The following SYN3 variants were observed in gnomAD, a reference collection of about 807,000 sequenced individuals.
SYN3 encodes synapsin-3.
Under a neutral mutation model 65.8 loss-of-function variants are expected in SYN3, and 35 were observed. The observed-to-expected ratio is 0.53, with a 90% CI of 0.41 to 0.70. The LOEUF (loss-of-function observed/expected upper bound fraction) is 0.70. Ranked by LOEUF, SYN3 falls within the 30% of genes least tolerant of loss-of-function variation. SYN3 has a pLI of 0.00. For synonymous variants in SYN3, 270 were observed against 292.9 expected (o/e 0.92, Z 0.80); for missense variants, 680 against 749.0 (o/e 0.91, Z 1.08).
chr22:32,782,666 C>T (rs966090818), intron 6 of SYN3, among the ~76,000 whole-genome samples: 2 of 152,054 alleles, frequency 1.3e-5, no homozygotes, highest in African/African-American at 4.8e-5. Flanking sequence ...CACAGGCGCA[C>T]ACCACCACAG....
Position 32,948,506 on chromosome 22 carries a change from G to A in SYN3, c.370-17025C>T, listed in dbSNP as rs2051182738. Among the ~76,000 whole-genome samples, 4 of 152,244 alleles carry A rather than the reference G, an allele frequency of 2.6e-5. No individual in the cohort carries two copies. In the South Asian group the frequency reaches 8.3e-4, roughly 32 times the overall value. ...AATCACAGCACTTTGGGAGGCCGAGGCGGGCAGATCACAAGGTCAGGAGAT... is the reference window on the plus strand; with the variant it reads ...AATCACAGCACTTTGGGAGGCCGAGACGGGCAGATCACAAGGTCAGGAGAT... On this transcript the variant is annotated intron_variant, in intron 3 of 13. Transcript: ENST00000358763.
intron 6 of SYN3, among the ~76,000 whole-genome samples, chr22:32,667,918 C>T (rs746538708): frequency 1.3e-5 from 2 of 151,966 alleles, no homozygotes; most frequent in East Asian, 3.9e-4. Flanking sequence ...CTCAGCCTCC[C>T]GAGTAGCTGG....
intron 1 of SYN3, among the ~76,000 whole-genome samples, chr22:33,052,639 C>G (rs1250711398): frequency 6.6e-6 from 1 of 151,844 alleles, no homozygotes; most frequent in Non-Finnish European, 1.5e-5. Flanking sequence ...AATTATTAAC[C>G]CTTGTGCTCC....
chr22:32,698,742 G>T (rs2060771860), intron 6 of SYN3, among the ~76,000 whole-genome samples: 1 of 152,194 alleles, frequency 6.6e-6, no homozygotes, highest in African/African-American at 2.4e-5. Context: ...GTTATTGAAA[G>T]AATTTTAGAG....
At chr22:32,551,065 G>A (rs2058406909) in intron 7 of SYN3, among the ~76,000 whole-genome samples, 1 of 152,166 alleles carries the variant, frequency 6.6e-6, no homozygotes, top group African/African-American at 2.4e-5. Flanking sequence ...AAATAAATGG[G>A]TAAATAACAG....
intron 6 of SYN3, among the ~76,000 whole-genome samples, chr22:32,650,815 T>C (rs966753869): frequency 4.6e-5 from 7 of 152,334 alleles, no homozygotes; most frequent in Admixed American, 1.3e-4. Flanking sequence ...AGATAATGCA[T>C]GCCAAGCACT....
chr22:32,899,698 T>C (rs1011297422), intron 4 of SYN3, among the ~76,000 whole-genome samples: 1 of 152,264 alleles, frequency 6.6e-6, no homozygotes, highest in Admixed American at 6.5e-5. Context: ...GTTCTTGTCC[T>C]GGCCCTGAAA....
intron 6 of SYN3, among the ~76,000 whole-genome samples, chr22:32,712,878 T>C (rs1380571151): frequency 6.6e-6 from 1 of 152,124 alleles, no homozygotes; most frequent in Non-Finnish European, 1.5e-5. Flanking sequence ...TTCTGTGACC[T>C]TCATACCAAA....
chr22:32,805,210 T>C (rs1307225761), intron 6 of SYN3, among the ~76,000 whole-genome samples: 1 of 152,134 alleles, frequency 6.6e-6, no homozygotes, highest in African/African-American at 2.4e-5. Flanking sequence ...CCTCTGAGCC[T>C]GTTGGGAATT....
At chr22:32,989,283 T>C (rs1601851013) in intron 2 of SYN3, among the ~76,000 whole-genome samples, 1 of 152,298 alleles carries the variant, frequency 6.6e-6, no homozygotes, top group Admixed American at 6.5e-5. Context: ...CCATGAATGA[T>C]ACCCCTGACA....
At chr22:32,705,740 T>C (rs1265502277) in intron 6 of SYN3, among the ~76,000 whole-genome samples, 1 of 152,200 alleles carries the variant, frequency 6.6e-6, no homozygotes, top group Admixed American at 6.5e-5. Context: ...TTGAGCAGTG[T>C]CTTGTAGTTC....
At chr22:32,676,432 A>G (rs930935030) in intron 6 of SYN3, among the ~76,000 whole-genome samples, 1 of 151,616 alleles carries the variant, frequency 6.6e-6, no homozygotes, top group Admixed American at 6.6e-5. Context: ...AGGTGTGTGG[A>G]CAGGGCCCTG....
intron 3 of SYN3, among the ~76,000 whole-genome samples, chr22:32,961,796 C>T (rs909105407): frequency 2.0e-5 from 3 of 152,236 alleles, no homozygotes; most frequent in Non-Finnish European, 4.4e-5. Context: ...AATGAGTCAA[C>T]TTACATCCAA....
chr22:32,903,622 G>A (rs2049824303), intron 4 of SYN3, among the ~76,000 whole-genome samples: 1 of 152,190 alleles, frequency 6.6e-6, no homozygotes, highest in African/African-American at 2.4e-5. Flanking sequence ...CCCTCACAGA[G>A]CTCATGGTTA....
chr22:32,741,394 C>T (rs1018880645), intron 6 of SYN3, among the ~76,000 whole-genome samples: 14 of 144,810 alleles, frequency 9.7e-5, no homozygotes, highest in African/African-American at 2.3e-4. Context: ...CTTGCTCTGC[C>T]GCCCAGTCTG....
rs1372736629 is a variant in SYN3 at position 32,511,381 on chromosome 22, C to A, written c.*2311G>T. Among the ~76,000 whole-genome samples, 1 of 152,218 alleles carries A rather than the reference C, an allele frequency of 6.6e-6. No homozygotes were observed. Among genetic ancestry groups the A allele is most frequent in the Non-Finnish European group, 1.5e-5 (1 of 68,042 alleles). ...CTAGAAGAATGTGTCGACAATGATG[C>A]CTGCAAAGCAGCAGCTTCATGTGTC... On this transcript the variant is annotated 3_prime_UTR_variant, in exon 14 of 14. Transcript: ENST00000358763.
chr22:32,824,938 C>T lies in SYN3; in HGVS notation c.711+39977G>A, dbSNP rs550013164. On this transcript the variant is annotated intron_variant, in intron 6 of 13. Coordinates refer to ENST00000358763, the MANE Select transcript of SYN3 (RefSeq NM_003490.4). Reference sequence around the variant, plus strand: ...CAGAAAGGGACCTTGTTTGGGGAGGCGGCTTTGAGCAGTGACTTTATGACA... The same window carrying T: ...CAGAAAGGGACCTTGTTTGGGGAGGTGGCTTTGAGCAGTGACTTTATGACA... Among the ~76,000 whole-genome samples the T allele has an allele frequency of 2.0e-5, 3 of 152,272 alleles. No homozygotes were observed. In the East Asian group the frequency reaches 5.8e-4, roughly 29 times the overall value.
rs550795588 is a variant in SYN3, at chr22:32,889,999, A to AT, written c.462-20875dup. ...CTGAGCAACATTAAATTGATCTTTA[A>AT]TTTTTTTTTATCCTAAAAAAAAATT... is the stretch of plus-strand genomic sequence containing the variant. On this transcript the variant is annotated intron_variant, in intron 4 of 13. Transcript: ENST00000358763. Among the ~76,000 whole-genome samples, 36 of 131,320 alleles carry AT rather than the reference A, an allele frequency of 2.7e-4. 1 individual carries two copies. In the South Asian group the frequency reaches 8.1e-3, roughly 29 times the overall value. 86.2% of individuals were successfully genotyped at this position (131,320 alleles called of 152,430 possible).
intron 6 of SYN3, among the ~76,000 whole-genome samples, chr22:32,672,736 G>A (rs2060388185): frequency 6.6e-6 from 1 of 152,222 alleles, no homozygotes; most frequent in African/African-American, 2.4e-5. Context: ...CTGTGAGCTG[G>A]GGAGGCGGCC....
Sources: gnomAD v4.1 joint callset for allele counts (sites outside exome capture counted in the v4.1 genomes callset) on GRCh38, gnomAD v4.1.1 for gene constraint, MANE v1.5 for transcripts, NCBI Gene and HGNC (gene_info 2026-07-23, HGNC 2026-07-21) for gene names.